SUPT3H: variants seen among roughly 807,000 people sequenced by gnomAD.
SUPT3H encodes SPT3 homolog, SAGA and STAGA complex component.
SUPT3H carries 44 observed loss-of-function variants against 44.3 expected under a neutral mutation model. The observed-to-expected ratio is 0.99, with a 90% CI of 0.78 to 1.28. The LOEUF (loss-of-function observed/expected upper bound fraction) is 1.28, where lower values mean the gene tolerates loss of function less well. Among genes scored for constraint, SUPT3H ranks in the 50% most tolerant of loss-of-function variants. The pLI is 0.00. For synonymous variants in SUPT3H, 124 were observed against 125.6 expected (o/e 0.99, Z 0.09); for missense variants, 380 against 387.1 (o/e 0.98, Z 0.15).
chr6:44,984,269 C>T, intron 6 of SUPT3H, among the ~76,000 whole-genome samples: 1 of 152,112 alleles, frequency 6.6e-6, no homozygotes, highest in East Asian at 1.9e-4. Context: ...GCCTGCCTCT[C>T]TCAAGGTGAT....
At chr6:45,278,670 T>C (rs890333074) in intron 2 of SUPT3H, among the ~76,000 whole-genome samples, 5 of 152,208 alleles carry the variant, frequency 3.3e-5, no homozygotes, top group Admixed American at 1.3e-4. Context: ...TTAAATGTCA[T>C]TGCAAAAGAA....
intron 3 of SUPT3H, among the ~76,000 whole-genome samples, chr6:45,036,107 A>T (rs1787629493): frequency 6.6e-6 from 1 of 152,320 alleles, no homozygotes; most frequent in African/African-American, 2.4e-5. Flanking sequence ...TTGAATAAAA[A>T]CAGATAACGC....
intron 10 of SUPT3H, among the ~76,000 whole-genome samples, chr6:44,895,943 A>G (rs1764062426): frequency 6.6e-6 from 1 of 151,954 alleles, no homozygotes; most frequent in Admixed American, 6.6e-5. Context: ...ATTCTCTTCT[A>G]CCTTCCTAGG....
chr6:45,204,574 A>G (rs990027282), intron 2 of SUPT3H, among the ~76,000 whole-genome samples: 2 of 152,208 alleles, frequency 1.3e-5, no homozygotes, highest in Non-Finnish European at 2.9e-5. Flanking sequence ...CCTCTGCATC[A>G]AACAGATCTG....
intron 10 of SUPT3H, among the ~76,000 whole-genome samples, chr6:44,890,874 C>A (rs755005808): frequency 6.6e-6 from 1 of 151,730 alleles, no homozygotes; most frequent in Non-Finnish European, 1.5e-5. Context: ...AACTATCATT[C>A]TCAGCAAACC....
intron 10 of SUPT3H, among the ~76,000 whole-genome samples, chr6:44,900,966 C>G (rs887382770): frequency 2.0e-5 from 3 of 152,152 alleles, no homozygotes; most frequent in African/African-American, 7.2e-5. Flanking sequence ...AGGGTCCTGA[C>G]TGTTAGAAGG....
intron 2 of SUPT3H, among the ~76,000 whole-genome samples, chr6:45,120,753 C>T (rs1801545617): frequency 6.6e-6 from 1 of 152,066 alleles, no homozygotes; most frequent in African/African-American, 2.4e-5. Context: ...ATTTATCTTG[C>T]TTTTAGGTTT....
At chr6:44,985,074 C>T (rs1402063355) in intron 6 of SUPT3H, among the ~76,000 whole-genome samples, 1 of 151,616 alleles carries the variant, frequency 6.6e-6, no homozygotes. Flanking sequence ...TATGGCAGCT[C>T]ATGCCTGTAA....
intron 3 of SUPT3H, among the ~76,000 whole-genome samples, chr6:45,040,121 G>A (rs1788299628): frequency 6.6e-6 from 1 of 152,104 alleles, no homozygotes; most frequent in African/African-American, 2.4e-5. Context: ...CAGCTTTTTA[G>A]GCCATATGCT....
At chr6:44,890,674 G>A (rs1763143802) in intron 10 of SUPT3H, among the ~76,000 whole-genome samples, 1 of 149,288 alleles carries the variant, frequency 6.7e-6, no homozygotes, top group Non-Finnish European at 1.5e-5. Context: ...CGAGTTAATG[G>A]GTGCAGCACA....
At chr6:44,850,919 G>C (rs1266631781) in intron 10 of SUPT3H, among the ~76,000 whole-genome samples, 1 of 152,172 alleles carries the variant, frequency 6.6e-6, no homozygotes, top group Non-Finnish European at 1.5e-5. Context: ...AGCGGTTTCT[G>C]ATAAAGCTTC....
intron 2 of SUPT3H, among the ~76,000 whole-genome samples, chr6:45,116,223 C>T (rs1562490036): frequency 6.6e-6 from 1 of 152,144 alleles, no homozygotes; most frequent in African/African-American, 2.4e-5. Flanking sequence ...CCCTTCCTCT[C>T]CTTCTTCTCA....
intron 11 of SUPT3H, among the ~76,000 whole-genome samples, chr6:44,813,371 C>T (rs1039166907): frequency 2.1e-4 from 32 of 151,884 alleles, no homozygotes; most frequent in African/African-American, 6.3e-4. Flanking sequence ...ATTTTTGTAG[C>T]GATGGGGTCT....
At chr6:45,140,871 G>C (rs1317194078) in intron 2 of SUPT3H, among the ~76,000 whole-genome samples, 2 of 152,102 alleles carry the variant, frequency 1.3e-5, no homozygotes, top group African/African-American at 4.8e-5. Flanking sequence ...CAACATCAAG[G>C]GGTCACCAAG....
rs374559415 is a variant in SUPT3H, at chr6:45,141,333, C to T, written c.102-35327G>A. On this transcript the variant is annotated intron_variant, in intron 2 of 10. Coordinates refer to ENST00000371459, the MANE Select transcript of SUPT3H (RefSeq NM_003599.4). ...CAGCCTGGGAGACAGAGCAAGACTCCATCTCAAAAAAAAAAAAAAAAAAAA... is the reference window on the plus strand; with the variant it reads ...CAGCCTGGGAGACAGAGCAAGACTCTATCTCAAAAAAAAAAAAAAAAAAAA... Among the ~76,000 whole-genome samples, 344 of 52,920 alleles carry T rather than the reference C, an allele frequency of 6.5e-3. 3 individuals carry two copies. The highest frequency in any genetic ancestry group is 0.025 in the African/African-American group (313 of 12,426). 34.7% of individuals were successfully genotyped at this position (52,920 alleles called of 152,430 possible). A position where few individuals can be genotyped will look rare whatever the true frequency, so the allele number is the denominator to read the frequency against.
chr6:44,839,013 T>C (rs1156840419), intron 10 of SUPT3H, among the ~76,000 whole-genome samples: 1 of 152,172 alleles, frequency 6.6e-6, no homozygotes, highest in Non-Finnish European at 1.5e-5. Flanking sequence ...AACAAAAGTG[T>C]CTCCTCTGAT....
At chr6:45,284,886 T>A (rs1273283514) in intron 2 of SUPT3H, among the ~76,000 whole-genome samples, 1 of 152,198 alleles carries the variant, frequency 6.6e-6, no homozygotes, top group Non-Finnish European at 1.5e-5. Flanking sequence ...TCAAAAAGCT[T>A]ATCCACCATG....
chr6:45,068,978 A>T (rs1198236379), intron 3 of SUPT3H, among the ~76,000 whole-genome samples: 1 of 134,966 alleles, frequency 7.4e-6, no homozygotes, highest in Admixed American at 7.3e-5. Context: ...TTTACTTTGC[A>T]AAAAAAAAAA....
At chr6:44,958,793 T>A (rs902652556) in intron 7 of SUPT3H, among the ~76,000 whole-genome samples, 5 of 149,200 alleles carry the variant, frequency 3.4e-5, no homozygotes, top group African/African-American at 1.2e-4. Context: ...GAAAAAAAAA[T>A]GGGTGTTTTT....
Sources: gnomAD v4.1 joint callset for allele counts (sites outside exome capture counted in the v4.1 genomes callset) on GRCh38, gnomAD v4.1.1 for gene constraint, MANE v1.5 for transcripts, NCBI Gene and HGNC (gene_info 2026-07-23, HGNC 2026-07-21) for gene names.